SFI1: variants seen among roughly 807,000 people sequenced by gnomAD.
SFI1 encodes SFI1 centrin binding protein.
A neutral mutation model predicts 207.5 loss-of-function variants in SFI1; 195 were observed. That is an observed-to-expected ratio of 0.94 (90% confidence interval 0.84 to 1.06). The LOEUF (loss-of-function observed/expected upper bound fraction) is 1.06. Ranked by LOEUF, SFI1 falls within the 50% of genes least tolerant of loss-of-function variation. The pLI, the probability that SFI1 is intolerant of heterozygous loss-of-function variation, is 0.00. For synonymous variants in SFI1, 630 were observed against 598.9 expected, an observed-to-expected ratio of 1.05 and a Z score of -0.76; for missense variants, 1,634 against 1,588.0, an observed-to-expected ratio of 1.03 and a Z score of -0.49.
intron 8 of SFI1, among the ~76,000 whole-genome samples, chr22:31,567,157 G>A (rs910155497): frequency 3.3e-5 from 5 of 152,000 alleles, no homozygotes; most frequent in Admixed American, 2.0e-4. Context: ...CGCCCACCTC[G>A]GCCTCCCAAA....
chr22:31,500,277 CAAAAAAAAAAA>C (rs150915256), intron 1 of SFI1, among the ~76,000 whole-genome samples: 2 of 98,442 alleles, frequency 2.0e-5, no homozygotes, highest in East Asian at 5.8e-4. Context: ...GACTCTGTCT[CAAAAAAAAAAA>C]AAAAAAAAGA....
chr22:31,598,576 C>T (rs1314531828), intron 15 of SFI1, among the ~76,000 whole-genome samples: 6 of 150,934 alleles, frequency 4.0e-5, no homozygotes, highest in African/African-American at 7.3e-5. Context: ...CCTGCCACCA[C>T]GCCCAGCTAA....
intron 4 of SFI1, among the ~76,000 whole-genome samples, chr22:31,540,203 T>C (rs2059348373): frequency 2.1e-5 from 3 of 142,096 alleles, no homozygotes; most frequent in Admixed American, 1.4e-4. Context: ...GGGGGTGGGA[T>C]TGAGATGAAG....
intron 4 of SFI1, among the ~76,000 whole-genome samples, chr22:31,535,480 C>T (rs1167994794): frequency 6.6e-6 from 1 of 151,590 alleles, no homozygotes; most frequent in African/African-American, 2.4e-5. Flanking sequence ...TGAGCCACCG[C>T]GCCTGACCTT....
At chr22:31,569,331 A>C (rs1315941231) in intron 8 of SFI1, among the ~76,000 whole-genome samples, 1 of 152,182 alleles carries the variant, frequency 6.6e-6, no homozygotes, top group Admixed American at 6.5e-5. Flanking sequence ...GATGTGCCTC[A>C]TGATACTATG....
intron 2 of SFI1, among the ~76,000 whole-genome samples, chr22:31,514,523 A>AT (rs1192995899): frequency 2.7e-5 from 4 of 150,802 alleles, no homozygotes; most frequent in African/African-American, 9.7e-5. Flanking sequence ...AAAAAAAAAA[A>AT]AAAAAAAATC....
At chr22:31,553,529 ATTTTTTTTTT>A (rs71202096) in intron 6 of SFI1, among the ~76,000 whole-genome samples, 3 of 82,626 alleles carry the variant, frequency 3.6e-5, no homozygotes, top group South Asian at 4.2e-4. Flanking sequence ...TAATTTTTGT[ATTTTTTTTTT>A]TTTTTTTTTT....
chr22:31,606,448 A>T lies in SFI1; in HGVS notation c.2157+18A>T. On this transcript the variant is annotated intron_variant, in intron 21 of 32. Coordinates refer to ENST00000400288, the MANE Select transcript of SFI1 (RefSeq NM_001007467.3). Reference sequence around the variant, plus strand: ...GTTCCAAGGTGAGGTATAAGGAGGCAAGCTGGTCACCCAGGAGAGTTGGGA... The same window carrying T: ...GTTCCAAGGTGAGGTATAAGGAGGCTAGCTGGTCACCCAGGAGAGTTGGGA... 1 of 1,605,304 alleles carries T rather than the reference A, an allele frequency of 6.2e-7. No individual in the cohort carries two copies. Among genetic ancestry groups the T allele is most frequent in the South Asian group, 1.1e-5 (1 of 90,826 alleles).
Position 31,531,073 on chromosome 22 carries a change from G to A in SFI1, c.282G>A (p.Lys94=), listed in dbSNP as rs772755054. The part of the protein sequence containing the change: ...RELRIRCVAR[K]FLYLWIRMTF... ...CTTCTTTCAGATGCGTGGCCAGAAA[G>A]TTCTTATATTTATGGATTCGAATGA... The change falls in exon 4 of 33, where the codon AAG becomes AAA. Residue 94 remains lysine (K), a synonymous_variant. Transcript: ENST00000400288. 27 of 1,613,096 alleles carry A rather than the reference G, an allele frequency of 1.7e-5. 1 individual carries two copies. In the Admixed American group the frequency reaches 4.3e-4, roughly 26 times the overall value.
intron 4 of SFI1, among the ~76,000 whole-genome samples, chr22:31,546,071 T>A (rs1233809010): frequency 6.6e-6 from 1 of 151,408 alleles, no homozygotes; most frequent in Admixed American, 6.6e-5. Context: ...AATTTTTTAT[T>A]TTTTGTAGAG....
chr22:31,607,398 T>G (rs2069220333), intron 21 of SFI1, among the ~76,000 whole-genome samples: 1 of 151,748 alleles, frequency 6.6e-6, no homozygotes, highest in African/African-American at 2.4e-5. Context: ...GGGTCAGGAG[T>G]TCGAGACCAA....
intron 12 of SFI1, among the ~76,000 whole-genome samples, chr22:31,581,600 A>T (rs1190241838): frequency 6.6e-6 from 1 of 151,970 alleles, no homozygotes; most frequent in Admixed American, 6.6e-5. Context: ...CCCCAATAGG[A>T]GGCTTTGGTT....
At chr22:31,575,498 C>T (rs1020982943) in intron 10 of SFI1, 106 bp downstream of exon 10, 68 of 1,178,986 alleles carry the variant, frequency 5.8e-5, no homozygotes, top group Middle Eastern at 3.0e-4. Context: ...AATTGCCAAA[C>T]GATTCAAAAC....
intron 2 of SFI1, among the ~76,000 whole-genome samples, chr22:31,522,139 C>T (rs1468422657): frequency 1.4e-5 from 2 of 138,056 alleles, no homozygotes; most frequent in African/African-American, 5.4e-5. Flanking sequence ...ACAATCTCTG[C>T]TCACTGCAAC....
At chr22:31,591,065 C>G (rs956845531) in intron 15 of SFI1, among the ~76,000 whole-genome samples, 3 of 151,492 alleles carry the variant, frequency 2.0e-5, no homozygotes, top group Admixed American at 2.0e-4. Flanking sequence ...GGTCAGCAGA[C>G]AAACAAGTGA....
intron 27 of SFI1, 70 bp from the exon 28 acceptor site, chr22:31,614,719 C>G: frequency 6.5e-7 from 1 of 1,527,532 alleles, no homozygotes; most frequent in Non-Finnish European, 9.1e-7. Flanking sequence ...ATTGGAGATC[C>G]CACAGAGATC....
At chr22:31,511,464 G>GTTTTTTTTTTTTTTTTTTTTTTTTTT (rs758898165) in intron 2 of SFI1, among the ~76,000 whole-genome samples, 2 of 114,558 alleles carry the variant, frequency 1.7e-5, no homozygotes, top group Non-Finnish European at 3.5e-5. Context: ...CATAGTTTCT[G>GTTTTTTTTTTTTTTTTTTTTTTTTTT]TTTTTTTTTT....
In SFI1 at chr22:31,618,543, T is replaced by C. The variant is rs1171819913; in HGVS notation, c.*125T>C. On this transcript the variant is annotated 3_prime_UTR_variant, in exon 33 of 33. Coordinates refer to ENST00000400288, the MANE Select transcript of SFI1 (RefSeq NM_001007467.3). Reference sequence around the variant, plus strand: ...AATGCTTTGCAATTAAATGAATTACTGTTCAGAAGTCTCCCACTTTTCATA... The same window carrying C: ...AATGCTTTGCAATTAAATGAATTACCGTTCAGAAGTCTCCCACTTTTCATA... 7 of 973,578 alleles carry C rather than the reference T, an allele frequency of 7.2e-6. No individual in the cohort carries two copies. Among genetic ancestry groups the C allele is most frequent in the East Asian group, 2.9e-5 (1 of 34,740 alleles). The allele number at this position is 973,578 out of a possible 1,614,324, so 60.3% of individuals were successfully genotyped here. A position where few individuals can be genotyped will look rare whatever the true frequency, so the allele number is the denominator to read the frequency against.
chr22:31,597,782 G>T (rs985184020), intron 15 of SFI1, among the ~76,000 whole-genome samples: 2 of 152,002 alleles, frequency 1.3e-5, no homozygotes, highest in African/African-American at 4.8e-5. Flanking sequence ...TATTCTTAGG[G>T]TATTTTTTAA....
Sources: allele counts gnomAD v4.1 joint callset (sites outside exome capture counted in the v4.1 genomes callset), GRCh38; gene constraint gnomAD v4.1.1; transcripts MANE v1.5; gene names NCBI Gene and HGNC (gene_info 2026-07-23, HGNC 2026-07-21).